Variants in APLF observed in about 807,000 individuals in gnomAD.
The protein encoded by APLF is aprataxin and PNKP like factor, also known as aprataxin and PNK-like factor.
APLF carries 61 observed loss-of-function variants against 55.6 expected under a neutral mutation model. That is an observed-to-expected ratio of 1.10 (90% CI 0.89 to 1.36). The LOEUF (loss-of-function observed/expected upper bound fraction) is 1.36. APLF is among the 40% of genes most tolerant of loss of function. The probability of loss-of-function intolerance (pLI) is 0.00; values close to 1 mark genes in which losing one functional copy is unlikely to be tolerated. For synonymous variants in APLF, 207 were observed against 214.8 expected (o/e 0.96, Z 0.32); for missense variants, 611 against 602.5 (o/e 1.01, Z -0.15).
intron 5 of APLF, among the ~76,000 whole-genome samples, chr2:68,518,805 C>CATT (rs376662312): frequency 0.86 from 104,343 of 121,160 alleles, 45,097 homozygotes; most frequent in East Asian, 0.97. Context: ...AATAATCTAT[C>CATT]ATATAATAAA....
intron 7 of APLF, among the ~76,000 whole-genome samples, chr2:68,544,775 T>C (rs2104017049): frequency 6.6e-6 from 1 of 152,312 alleles, no homozygotes; most frequent in African/African-American, 2.4e-5. Context: ...GGGACCTTTC[T>C]AGGATGTTGG....
intron 6 of APLF, among the ~76,000 whole-genome samples, chr2:68,533,073 G>A (rs1178262359): frequency 2.6e-5 from 4 of 151,996 alleles, no homozygotes; most frequent in Non-Finnish European, 5.9e-5. Flanking sequence ...AAAAAAGGTC[G>A]GGGGCTTGGC....
chr2:68,526,066 G>T lies in APLF; in HGVS notation c.628G>T (p.Val210Leu). 6.2e-7 allele frequency: 1 copy of T among 1,611,702 alleles called. No individual in the cohort carries two copies. The highest frequency in any genetic ancestry group is 8.5e-7 in the Non-Finnish European group (1 of 1,179,180). The change falls in exon 6 of 10, where the codon GTA becomes TTA. Residue 210 changes from valine (V) to leucine (L), a missense_variant. Physicochemically the swap from Val to Leu is conservative, Grantham distance 32. Transcript: ENST00000303795. ...LSVPAISGGN[V>L]IQGSGKEEIC... ...TTTTTCTTTATGTGTTTAAGGTAAT[G>T]TAATCCAGGGAAGTGGAAAAGAAGA...
intron 3 of APLF, among the ~76,000 whole-genome samples, chr2:68,507,086 A>G (rs2103941267): frequency 6.6e-6 from 1 of 152,084 alleles, no homozygotes; most frequent in Non-Finnish European, 1.5e-5. Flanking sequence ...TTGTATTTGT[A>G]ATTAATCTGG....
Position 68,518,499 on chromosome 2 carries a change from A to G in APLF, c.622+4819A>G, listed in dbSNP as rs1250669718. 5.9e-5 allele frequency among the ~76,000 whole-genome samples: 7 copies of G among 117,978 alleles called. No homozygotes were observed. In the Admixed American group the frequency reaches 6.1e-4, roughly 10 times the overall value. 77.4% of individuals were successfully genotyped at this position (117,978 alleles called of 152,430 possible). A position where few individuals can be genotyped will look rare whatever the true frequency, so the allele number is the denominator to read the frequency against. On this transcript the variant is annotated intron_variant, in intron 5 of 9. Coordinates refer to ENST00000303795, the MANE Select transcript of APLF (RefSeq NM_173545.3). ...TAATACATAATAACATTAATAATAT[A>G]TAATAATGTTAATATATTATTATAT...
intron 5 of APLF, among the ~76,000 whole-genome samples, chr2:68,518,727 A>C (rs1437538661): frequency 1.3e-4 from 16 of 126,140 alleles, no homozygotes; most frequent in Non-Finnish European, 1.7e-4. Context: ...TATATCATTA[A>C]TATATCATGA....
intron 9 of APLF, among the ~76,000 whole-genome samples, chr2:68,568,010 C>T (rs1170854444): frequency 6.6e-6 from 1 of 152,112 alleles, no homozygotes; most frequent in Non-Finnish European, 1.5e-5. Flanking sequence ...GTTTGTACCG[C>T]TCCTGAAACC....
At chr2:68,565,278 C>T (rs1671271068) in intron 8 of APLF, among the ~76,000 whole-genome samples, 2 of 151,928 alleles carry the variant, frequency 1.3e-5, no homozygotes, top group Admixed American at 6.6e-5. Context: ...CTTCCTATTG[C>T]CCAACAAATT....
At chr2:68,475,425 T>C (rs2103877029) in intron 1 of APLF, among the ~76,000 whole-genome samples, 1 of 152,364 alleles carries the variant, frequency 6.6e-6, no homozygotes, top group East Asian at 1.9e-4. Context: ...AAGTGATGCA[T>C]ATTAATCAGT....
intron 6 of APLF, among the ~76,000 whole-genome samples, 194 bp from the exon 7 acceptor site, chr2:68,537,678 T>C (rs964657332): frequency 2.6e-5 from 4 of 152,214 alleles, no homozygotes; most frequent in African/African-American, 9.6e-5. Context: ...CCAAATTTCT[T>C]TTCAAAAAAC....
At chr2:68,518,841 T>A (rs1233191202) in intron 5 of APLF, among the ~76,000 whole-genome samples, 1 of 126,514 alleles carries the variant, frequency 7.9e-6, no homozygotes, top group Non-Finnish European at 1.6e-5. Flanking sequence ...CATTAATATG[T>A]AATAAAATAC....
At chr2:68,564,585 A>G (rs1671248604) in intron 8 of APLF, among the ~76,000 whole-genome samples, 1 of 152,118 alleles carries the variant, frequency 6.6e-6, no homozygotes, top group South Asian at 2.1e-4. Flanking sequence ...CCTTAGATTA[A>G]AGACTTATTT....
intron 9 of APLF, 26 bp downstream of exon 9, chr2:68,567,413 C>T: frequency 6.5e-7 from 1 of 1,532,886 alleles, no homozygotes; most frequent in East Asian, 2.3e-5. Context: ...TCAGAAAATT[C>T]AAAATGAAAC....
intron 6 of APLF, chr2:68,528,923 T>A: frequency 1.3e-6 from 2 of 1,521,942 alleles, no homozygotes; most frequent in South Asian, 2.4e-5. Flanking sequence ...TGCTTCCCCA[T>A]TGCTACAGGG....
chr2:68,534,552 A>G (rs1298740770), intron 6 of APLF, among the ~76,000 whole-genome samples: 1 of 152,044 alleles, frequency 6.6e-6, no homozygotes, highest in Non-Finnish European at 1.5e-5. Flanking sequence ...CGGCTATTTT[A>G]ATAGCCTTAA....
At chr2:68,535,044 G>T (rs1372199376) in intron 6 of APLF, among the ~76,000 whole-genome samples, 1 of 152,058 alleles carries the variant, frequency 6.6e-6, no homozygotes, top group Admixed American at 6.6e-5. Context: ...TCCAGCTTTT[G>T]TGCCTCTTAA....
At chr2:68,538,852 A>C (rs1670476122) in intron 7 of APLF, among the ~76,000 whole-genome samples, 1 of 152,164 alleles carries the variant, frequency 6.6e-6, no homozygotes, top group Non-Finnish European at 1.5e-5. Context: ...TATTTCAGAA[A>C]GATTTCTTGC....
intron 5 of APLF, among the ~76,000 whole-genome samples, chr2:68,524,099 A>G (rs930841261): frequency 3.3e-5 from 5 of 152,238 alleles, no homozygotes; most frequent in African/African-American, 9.6e-5. Context: ...TCTTAGCATA[A>G]TCAGCAATAC....
intron 5 of APLF, among the ~76,000 whole-genome samples, chr2:68,518,204 A>C (rs1669703830): frequency 8.2e-6 from 1 of 121,214 alleles, no homozygotes; most frequent in East Asian, 2.3e-4. Flanking sequence ...ACTAATATAT[A>C]ATAATATATC....
Sources: gnomAD v4.1 joint callset for allele counts (sites outside exome capture counted in the v4.1 genomes callset) on GRCh38, gnomAD v4.1.1 for gene constraint, MANE v1.5 for transcripts, NCBI Gene and HGNC (gene_info 2026-07-23, HGNC 2026-07-21) for gene names.